The following NRG4 variants were observed in gnomAD, a reference collection of about 807,000 sequenced individuals.
NRG4 encodes neuregulin 4.
A neutral mutation model predicts 15.0 loss-of-function variants in NRG4; 10 were observed. The observed-to-expected ratio is 0.67, with a 90% CI of 0.41 to 1.13. The LOEUF is 1.13. Among genes scored for constraint, NRG4 ranks in the 50% most tolerant of loss-of-function variants. The pLI is 0.00. For synonymous variants in NRG4, 41 were observed against 50.1 expected (o/e 0.82, Z 0.77); for missense variants, 139 against 140.2 (o/e 0.99, Z 0.04).
chr15:75,999,680 G>C (rs568599446), intron 3 of NRG4, among the ~76,000 whole-genome samples: 24 of 152,210 alleles, frequency 1.6e-4, no homozygotes, highest in South Asian at 6.2e-4. Context: ...AGCAGAAACA[G>C]ACTAAGAGAG....
intron 3 of NRG4, among the ~76,000 whole-genome samples, chr15:75,992,225 G>C (rs1437813132): frequency 6.6e-6 from 1 of 151,968 alleles, no homozygotes; most frequent in Non-Finnish European, 1.5e-5. Flanking sequence ...CACTATTTTT[G>C]GTTTAGGTAC....
chr15:75,968,150 G>A (rs41421144), intron 3 of NRG4, among the ~76,000 whole-genome samples: 1,761 of 152,300 alleles, frequency 0.012, 32 homozygotes, highest in African/African-American at 0.039. Flanking sequence ...GTTGGGTCAT[G>A]AGAGTACTGA....
chr15:75,937,252 G>A (rs2030439280), downstream of NRG4: 1 of 151,314 alleles, frequency 6.6e-6, no homozygotes, highest in African/African-American at 2.4e-5. Flanking sequence ...GCTCACGCCT[G>A]TAATTCCAGC....
chr15:75,985,240 C>G (rs1420934944), intron 3 of NRG4, among the ~76,000 whole-genome samples: 2 of 152,116 alleles, frequency 1.3e-5, no homozygotes, highest in East Asian at 3.9e-4. Context: ...TAGTTTTACC[C>G]ACAGTAATGA....
At chr15:75,976,098 T>C (rs1284826212) in intron 3 of NRG4, among the ~76,000 whole-genome samples, 4 of 152,200 alleles carry the variant, frequency 2.6e-5, no homozygotes, top group Admixed American at 6.5e-5. Context: ...CTTCAACATC[T>C]GATATCCTTT....
chr15:76,002,546 T>C (rs2034451326), intron 3 of NRG4, among the ~76,000 whole-genome samples: 1 of 152,066 alleles, frequency 6.6e-6, no homozygotes, highest in Non-Finnish European at 1.5e-5. Flanking sequence ...AATCATACAA[T>C]TAAAAGAGAC....
At chr15:76,002,613 A>G (rs2034453271) in intron 3 of NRG4, among the ~76,000 whole-genome samples, 1 of 152,190 alleles carries the variant, frequency 6.6e-6, no homozygotes. Context: ...TACACTTTAA[A>G]GATACAGATA....
chr15:75,980,754 A>G (rs1024585757), intron 3 of NRG4, among the ~76,000 whole-genome samples: 1 of 152,150 alleles, frequency 6.6e-6, no homozygotes, highest in South Asian at 2.1e-4. Context: ...TTTGCCTCCT[A>G]CATCCCTCAG....
At chr15:75,957,729 G>A (rs1444796580) in intron 4 of NRG4, among the ~76,000 whole-genome samples, 1 of 151,854 alleles carries the variant, frequency 6.6e-6, no homozygotes, top group Non-Finnish European at 1.5e-5. Flanking sequence ...CTAAACATAA[G>A]GTAGACACAC....
intron 5 of NRG4, among the ~76,000 whole-genome samples, chr15:75,947,443 G>A (rs1347662147): frequency 2.0e-5 from 3 of 152,098 alleles, no homozygotes; most frequent in Non-Finnish European, 4.4e-5. Context: ...CTCTCTCAGG[G>A]TGTCCTGTCT....
intron 5 of NRG4, among the ~76,000 whole-genome samples, chr15:76,025,807 G>A (rs561062069): frequency 3.1e-4 from 47 of 152,122 alleles, no homozygotes; most frequent in African/African-American, 1.1e-3. Context: ...AACCCAGGAG[G>A]TGGAGGTTGC....
Position 76,011,266 on chromosome 15 carries a change from A to G in NRG4, c.-36T>C. On this transcript the variant is annotated 5_prime_UTR_variant, in exon 2 of 6. Coordinates refer to ENST00000394907, the MANE Select transcript of NRG4 (RefSeq NM_138573.4). The stretch of plus-strand genomic sequence containing the variant: ...AAATAGTTTCATTCTTGGTCAAGAG[A>G]GTAGGGTTGAAAAACAGTACCTAAA... The G allele has an allele frequency of 2.8e-6, 4 of 1,424,010 alleles. No individual in the cohort carries two copies. Among genetic ancestry groups the G allele is most frequent in the South Asian group, 3.6e-5 (2 of 55,960 alleles). 88.2% of individuals were successfully genotyped at this position (1,424,010 alleles called of 1,614,324 possible). A position where few individuals can be genotyped will look rare whatever the true frequency, so the allele number is the denominator to read the frequency against.
chr15:76,020,440 G>A (rs1192887432), intron 5 of NRG4, among the ~76,000 whole-genome samples: 1 of 152,142 alleles, frequency 6.6e-6, no homozygotes, highest in Admixed American at 6.5e-5. Flanking sequence ...CAGCCTTATT[G>A]CTTTTATGGA....
At chr15:76,006,562 A>G (rs2034615185) in intron 3 of NRG4, among the ~76,000 whole-genome samples, 1 of 152,060 alleles carries the variant, frequency 6.6e-6, no homozygotes. Flanking sequence ...TCCAGAATAC[A>G]CATTCACGTT....
downstream of NRG4, chr15:75,939,401 C>A (rs192989845): frequency 1.3e-5 from 2 of 152,148 alleles, no homozygotes; most frequent in Admixed American, 1.3e-4. Context: ...GAACTATAAC[C>A]AGTAAGGTAA....
rs568226464 is a variant in NRG4, at chr15:75,941,490, A to G, written c.*2148T>C. The stretch of plus-strand genomic sequence containing the variant: ...TTTGTATACCAGTGTTCACTGCAGC[A>G]TTATTCACCGTAGTCAAAAGGTAGA... On this transcript the variant is annotated 3_prime_UTR_variant, in exon 6 of 6. Coordinates refer to ENST00000394907, the MANE Select transcript of NRG4 (RefSeq NM_138573.4). 11 of 152,348 alleles carry G rather than the reference A, an allele frequency of 7.2e-5. No homozygotes were observed. The highest frequency in any genetic ancestry group is 1.3e-4 in the Non-Finnish European group (9 of 68,016). The allele number at this position is 152,348 out of a possible 1,614,324, so 9.4% of individuals were successfully genotyped here. A position where few individuals can be genotyped will look rare whatever the true frequency, so the allele number is the denominator to read the frequency against.
chr15:75,970,769 A>T (rs999952432), intron 3 of NRG4, among the ~76,000 whole-genome samples: 1 of 152,236 alleles, frequency 6.6e-6, no homozygotes, highest in African/African-American at 2.4e-5. Context: ...CTAGCTAAGG[A>T]TGCAGGGATA....
chr15:76,044,085 C>A (rs2035808442), intron 4 of NRG4, among the ~76,000 whole-genome samples: 1 of 152,142 alleles, frequency 6.6e-6, no homozygotes, highest in African/African-American at 2.4e-5. Flanking sequence ...GCAAGCTCCG[C>A]TTCCCAGGTT....
intron 5 of NRG4, among the ~76,000 whole-genome samples, chr15:76,029,033 T>C (rs377556579): frequency 1.3e-5 from 2 of 149,288 alleles, no homozygotes; most frequent in East Asian, 2.0e-4. Context: ...CCAATGAACA[T>C]AGATGTAAAA....
Sources: allele counts gnomAD v4.1 joint callset (sites outside exome capture counted in the v4.1 genomes callset), GRCh38; gene constraint gnomAD v4.1.1; transcripts MANE v1.5; gene names NCBI Gene and HGNC (gene_info 2026-07-23, HGNC 2026-07-21).